The following C10orf90 variants were observed in gnomAD, a reference collection of about 807,000 sequenced individuals.
The protein encoded by C10orf90 is (E2-independent) E3 ubiquitin-conjugating enzyme FATS.
In C10orf90, 56 loss-of-function variants were observed where a neutral mutation model predicts 62.5. That is an observed-to-expected ratio of 0.90 (90% CI 0.72 to 1.12). The LOEUF (loss-of-function observed/expected upper bound fraction) is 1.12, where lower values mean the gene tolerates loss of function less well. Ranked by LOEUF, C10orf90 falls within the 50% of genes most tolerant of loss-of-function variation. C10orf90 has a pLI of 0.00. For missense variants in C10orf90, 970 were observed against 880.4 expected (o/e 1.10, Z -1.29); for synonymous variants, 386 against 340.4 (o/e 1.13, Z -1.47).
At chr10:126,606,368 G>C (rs1845311840) in intron 2 of C10orf90, among the ~76,000 whole-genome samples, 1 of 152,116 alleles carries the variant, frequency 6.6e-6, no homozygotes, top group Admixed American at 6.6e-5. Context: ...ATCGGCTGTT[G>C]GTCAGTTCTG....
chr10:126,636,311 C>T (rs1333126883), intron 2 of C10orf90, among the ~76,000 whole-genome samples: 1 of 152,118 alleles, frequency 6.6e-6, no homozygotes, highest in African/African-American at 2.4e-5. Flanking sequence ...TACCGCATTT[C>T]ACCAAGGGGA....
chr10:126,483,255 T>C (rs1461252388), intron 4 of C10orf90, among the ~76,000 whole-genome samples: 3 of 152,252 alleles, frequency 2.0e-5, no homozygotes, highest in South Asian at 2.1e-4. Context: ...TGAAATACAC[T>C]GTTTCATACT....
At chr10:126,577,574 C>T (rs920959909) in intron 2 of C10orf90, among the ~76,000 whole-genome samples, 1 of 152,182 alleles carries the variant, frequency 6.6e-6, no homozygotes, top group South Asian at 2.1e-4. Flanking sequence ...GAAGACCTGA[C>T]TTTGTAAAGA....
Position 126,425,848 on chromosome 10 carries a change from G to A in C10orf90, c.*16C>T. 6.2e-7 allele frequency: 1 copy of A among 1,613,348 alleles called. No individual in the cohort carries two copies. Among genetic ancestry groups the A allele is most frequent in the Non-Finnish European group, 8.5e-7 (1 of 1,179,704 alleles). ...CTCCCAGGTCCAGGTAGTGTGGTCA[G>A]CAGGGCAGCCTGTGGTTAGACCGCA... On this transcript the variant is annotated 3_prime_UTR_variant, in exon 10 of 10. Coordinates refer to ENST00000488181, the MANE Select transcript of C10orf90 (RefSeq NM_001350921.2).
At chr10:126,523,744 C>T (rs532372182) in intron 2 of C10orf90, among the ~76,000 whole-genome samples, 3 of 152,072 alleles carry the variant, frequency 2.0e-5, no homozygotes, top group Non-Finnish European at 2.9e-5. Flanking sequence ...TCCCACCTTC[C>T]CCCAGCCCCT....
At chr10:126,655,607 C>G (rs1158929491) in intron 1 of C10orf90, among the ~76,000 whole-genome samples, 2 of 152,266 alleles carry the variant, frequency 1.3e-5, no homozygotes, top group East Asian at 3.9e-4. Context: ...GTCCATTTCT[C>G]ATTCTGTGTG....
At chr10:126,494,320 C>T (rs1200492174) in intron 4 of C10orf90, among the ~76,000 whole-genome samples, 1 of 152,006 alleles carries the variant, frequency 6.6e-6, no homozygotes, top group East Asian at 1.9e-4. Context: ...TAGGACAAAG[C>T]CAGGAGTGAG....
chr10:126,655,136 T>C (rs1369798607), intron 1 of C10orf90, among the ~76,000 whole-genome samples: 1 of 152,068 alleles, frequency 6.6e-6, no homozygotes, highest in African/African-American at 2.4e-5. Flanking sequence ...CTGGTCAACA[T>C]GGTGAAACCC....
intron 2 of C10orf90, among the ~76,000 whole-genome samples, chr10:126,526,608 A>C (rs903002869): frequency 6.6e-6 from 1 of 152,110 alleles, no homozygotes; most frequent in Admixed American, 6.5e-5. Context: ...TTACCCTTTT[A>C]AAGTGCACAA....
In C10orf90 at chr10:126,646,633, T is replaced by C. The variant is rs1234129294; in HGVS notation, c.245A>G (p.His82Arg). 2 of 440,616 alleles carry C rather than the reference T, an allele frequency of 4.5e-6. No individual in the cohort carries two copies. The highest frequency in any genetic ancestry group is 7.2e-5 in the East Asian group (1 of 13,922). The allele number at this position is 440,616 out of a possible 1,614,324, so 27.3% of individuals were successfully genotyped here. The change falls in exon 2 of 10, where the codon CAC (histidine) becomes CGC (arginine). Residue 82 changes from histidine (H) to arginine (R), a missense_variant. His to Arg is a conservative substitution (Grantham distance 29, BLOSUM62 0). Transcript: ENST00000488181. ...TTTGGGGGATGAGAAGAGTCGACTGTGGATCTAGAAAACAAACAGAAATAT... is the reference window on the plus strand; with the variant it reads ...TTTGGGGGATGAGAAGAGTCGACTGCGGATCTAGAAAACAAACAGAAATAT... ...AEQTASRYEI[H>R]SRLFSSPKDH...
At chr10:126,575,710 A>G (rs1316813805) in intron 2 of C10orf90, among the ~76,000 whole-genome samples, 2 of 152,096 alleles carry the variant, frequency 1.3e-5, no homozygotes, top group East Asian at 3.8e-4. Context: ...CCCAAACATC[A>G]TGGTACCGGC....
chr10:126,608,495 T>C (rs769276538), intron 2 of C10orf90, among the ~76,000 whole-genome samples: 1 of 152,038 alleles, frequency 6.6e-6, no homozygotes, highest in Non-Finnish European at 1.5e-5. Flanking sequence ...AACCACAAAA[T>C]AAAATGAAAA....
chr10:126,425,709 G>A lies in C10orf90; in HGVS notation c.*155C>T. On this transcript the variant is annotated 3_prime_UTR_variant, in exon 10 of 10. Coordinates refer to ENST00000488181, the MANE Select transcript of C10orf90 (RefSeq NM_001350921.2). ...TATTGTTTCTGTTTGGCTTGGGTCA[G>A]TAATTCAGGAAGTGATGTTTTCCTT... The A allele has an allele frequency of 1.3e-6, 1 of 746,918 alleles. No homozygotes were observed. The highest frequency in any genetic ancestry group is 2.1e-6 in the Non-Finnish European group (1 of 472,648). The allele number at this position is 746,918 out of a possible 1,614,324, so 46.3% of individuals were successfully genotyped here. A position where few individuals can be genotyped will look rare whatever the true frequency, so the allele number is the denominator to read the frequency against.
At chr10:126,666,596 T>C (rs1846631711) in intron 1 of C10orf90, among the ~76,000 whole-genome samples, 2 of 152,104 alleles carry the variant, frequency 1.3e-5, no homozygotes, top group Admixed American at 6.5e-5. Context: ...TTCTTCCTTG[T>C]TTGTCATTGC....
chr10:126,573,387 C>T (rs1844547912), intron 2 of C10orf90, among the ~76,000 whole-genome samples: 1 of 152,198 alleles, frequency 6.6e-6, no homozygotes, highest in Non-Finnish European at 1.5e-5. Flanking sequence ...AGGCTGTCTG[C>T]CTGTGGGTTT....
chr10:126,431,834 C>T (rs918686378), intron 7 of C10orf90, among the ~76,000 whole-genome samples: 1 of 152,046 alleles, frequency 6.6e-6, no homozygotes, highest in South Asian at 2.1e-4. Flanking sequence ...CCTGATACCA[C>T]AATTAAGCTT....
intron 2 of C10orf90, among the ~76,000 whole-genome samples, chr10:126,590,875 C>G (rs1302024909): frequency 6.6e-6 from 1 of 152,052 alleles, no homozygotes; most frequent in East Asian, 1.9e-4. Context: ...ACCACTGACC[C>G]CACAGAAATA....
chr10:126,517,430 T>C (rs552193826), intron 2 of C10orf90, among the ~76,000 whole-genome samples: 9 of 152,184 alleles, frequency 5.9e-5, no homozygotes, highest in Non-Finnish European at 1.3e-4. Flanking sequence ...GTCTCTAACT[T>C]AACTTCACTG....
At chr10:126,483,406 CATGTGAA>C (rs1165778564) in intron 4 of C10orf90, among the ~76,000 whole-genome samples, 10 of 152,212 alleles carry the variant, frequency 6.6e-5, no homozygotes, top group African/African-American at 2.4e-4. Context: ...CCAATTATAT[CATGTGAA>C]AAATCCTCTC....
Sources: allele counts gnomAD v4.1 joint callset (sites outside exome capture counted in the v4.1 genomes callset), GRCh38; gene constraint gnomAD v4.1.1; transcripts MANE v1.5; gene names NCBI Gene and HGNC (gene_info 2026-07-23, HGNC 2026-07-21).